The following DECR2 variants were observed in gnomAD, a reference collection of about 807,000 sequenced individuals.
DECR2 encodes peroxisomal 2,4-dienoyl-CoA reductase [(3E)-enoyl-CoA-producing].
In DECR2, 34 loss-of-function variants were observed where a neutral mutation model predicts 29.2. That is an observed-to-expected ratio of 1.16 (90% CI 0.89 to 1.55). The LOEUF (loss-of-function observed/expected upper bound fraction) is 1.55, where lower values mean the gene tolerates loss of function less well. Among genes scored for constraint, DECR2 ranks in the 40% most tolerant of loss-of-function variants. The probability of loss-of-function intolerance (pLI) is 0.00; values close to 1 mark genes in which losing one functional copy is unlikely to be tolerated. For synonymous variants in DECR2, 224 were observed against 182.7 expected (o/e 1.23, Z -1.82); for missense variants, 485 against 425.3 (o/e 1.14, Z -1.23).
chr16:409,957 G>T, intron 4 of DECR2: 1 of 459,516 alleles, frequency 2.2e-6, no homozygotes, highest in Non-Finnish European at 4.0e-6. Context: ...TGTGACTTCA[G>T]TGTAATTCGA....
chr16:407,730 C>G, intron 4 of DECR2, 170 bp downstream of exon 4: 2 of 1,117,420 alleles, frequency 1.8e-6, no homozygotes, highest in Non-Finnish European at 1.2e-6. Context: ...GGCTCCGGCC[C>G]CCTGTCTCCG....
Position 411,527 on chromosome 16 carries a change from A to T in DECR2, c.828A>T (p.Pro276=). 6.2e-7 allele frequency: 1 copy of T among 1,614,032 alleles called. No individual in the cohort carries two copies. Among genetic ancestry groups the T allele is most frequent in the Non-Finnish European group, 8.5e-7 (1 of 1,179,980 alleles). ...ATGGCGGGGCATGGTTGACGTTCCCAAACGGTGTCAAAGGGCTGCCGGATT... is the reference window on the plus strand; with the variant it reads ...ATGGCGGGGCATGGTTGACGTTCCCTAACGGTGTCAAAGGGCTGCCGGATT... ...VADGGAWLTF[P]NGVKGLPDFA... Residue 276 remains proline (P), a synonymous_variant, in exon 8 of 9, where the codon CCA becomes CCT. Transcript: ENST00000219481.
chr16:405,505 G>A, intron 2 of DECR2: 1 of 1,298,800 alleles, frequency 7.7e-7, no homozygotes, highest in Non-Finnish European at 1.0e-6. Flanking sequence ...TGGTGGCTTT[G>A]TGCTCAGGGC....
intron 2 of DECR2, chr16:405,526 C>A (rs2054714133): frequency 7.7e-7 from 1 of 1,303,880 alleles, no homozygotes; most frequent in African/African-American, 1.5e-5. Context: ...ATCTGAGGAC[C>A]AGATGGGACA....
chr16:407,456 G>A lies in DECR2; in HGVS notation c.233G>A (p.Arg78Gln), dbSNP rs1027383653. The A allele has an allele frequency of 6.2e-6, 10 of 1,611,612 alleles. No homozygotes were observed. Among genetic ancestry groups the A allele is most frequent in the East Asian group, 2.2e-5 (1 of 44,876 alleles). The change falls in exon 4 of 9, where the codon CGG (arginine) becomes CAG (glutamine). Residue 78 changes from arginine (R) to glutamine (Q), a missense_variant. Coordinates refer to ENST00000219481, the MANE Select transcript of DECR2 (RefSeq NM_020664.4). ...AGGAAGCTGGCTGGGGCCACCGGCC[G>A]GCGCTGCCTCCCTCTCTCTATGGAC... ...AARKLAGATGRRCLPLSMDVR... is the reference protein window; with the variant it reads ...AARKLAGATGQRCLPLSMDVR...
rs752172006 is a variant in DECR2 at position 410,815 on chromosome 16, C to T, written c.556+31C>T. On this transcript the variant is annotated intron_variant, in intron 6 of 8. Transcript: ENST00000219481. This position sits in a 1 kb window ranked among gnomAD's most constrained non-coding sequence, Gnocchi z 4.1. The stretch of plus-strand genomic sequence containing the variant: ...ACCACCCCCCCCCGCCCAGGTTTGC[C>T]CACGTGGGTCCCCAATGGGCCGTCT... 6.4e-7 allele frequency: 1 copy of T among 1,553,252 alleles called. No homozygotes were observed. The highest frequency in any genetic ancestry group is 8.7e-7 in the Non-Finnish European group (1 of 1,147,718).
chr16:407,437 C>T lies in DECR2; in HGVS notation c.214C>T (p.Leu72=). ...LPRVLTAARK[L]AGATGRRCLP... ...ACCTGGCTTCTAGGCCGCCAGGAAGCTGGCTGGGGCCACCGGCCGGCGCTG... is the reference window on the plus strand; with the variant it reads ...ACCTGGCTTCTAGGCCGCCAGGAAGTTGGCTGGGGCCACCGGCCGGCGCTG... The change falls in exon 4 of 9, where the codon CTG becomes TTG. Residue 72 remains leucine (L), a synonymous_variant. Transcript: ENST00000219481. The T allele has an allele frequency of 6.2e-7, 1 of 1,608,496 alleles. No individual in the cohort carries two copies. Among genetic ancestry groups the T allele is most frequent in the Non-Finnish European group, 8.5e-7 (1 of 1,178,510 alleles).
At position 411,953 on chromosome 16, in the gene DECR2, A is replaced by C. The variant is rs2054824606; in HGVS notation, c.*64A>C. On this transcript the variant is annotated 3_prime_UTR_variant, in exon 9 of 9. Coordinates refer to ENST00000219481, the MANE Select transcript of DECR2 (RefSeq NM_020664.4). ...CAGGTGGAGAGCACCAATCTGAACC[A>C]GCAATGCCTGCAGCCCAGCCCCTCC... 4.2e-6 allele frequency: 1 copy of C among 235,530 alleles called. No individual in the cohort carries two copies. Among genetic ancestry groups the C allele is most frequent in the Non-Finnish European group, 8.2e-6 (1 of 121,580 alleles). 14.6% of individuals were successfully genotyped at this position (235,530 alleles called of 1,614,324 possible).
At position 410,625 on chromosome 16, in the gene DECR2, C is replaced by A. The variant is rs1296269605; in HGVS notation, c.463-66C>A. On this transcript the variant is annotated intron_variant, in intron 5 of 8. Coordinates refer to ENST00000219481, the MANE Select transcript of DECR2 (RefSeq NM_020664.4). The surrounding 1 kb of genome is among the most constrained non-coding windows in gnomAD (Gnocchi z 4.1). ...CCCGGGCCTCCCCCTGACAGCCACC[C>A]GCTCACTGTCCTGTGACCTCCCCCG... is the stretch of plus-strand genomic sequence containing the variant. The A allele has an allele frequency of 6.8e-7, 1 of 1,478,808 alleles. No homozygotes were observed. The highest frequency in any genetic ancestry group is 9.2e-7 in the Non-Finnish European group (1 of 1,082,582). 91.6% of individuals were successfully genotyped at this position (1,478,808 alleles called of 1,614,324 possible).
At chr16:404,268 C>T (rs533064574) in intron 1 of DECR2, among the ~76,000 whole-genome samples, 28 of 151,804 alleles carry the variant, frequency 1.8e-4, no homozygotes, top group African/African-American at 6.3e-4. Context: ...GACCATGTTT[C>T]GCTCTTGTTG....
At chr16:403,466 A>G (rs1567338698) in intron 1 of DECR2, among the ~76,000 whole-genome samples, 1 of 152,190 alleles carries the variant, frequency 6.6e-6, no homozygotes, top group African/African-American at 2.4e-5. Flanking sequence ...TAAAAAAGCC[A>G]TATTATCCCG....
In DECR2 at chr16:401,994, GA is replaced by G. The variant is rs1197274698; in HGVS notation, c.32del (p.Asp11AlafsTer46). 2 of 1,491,108 alleles carry G rather than the reference GA, an allele frequency of 1.3e-6. No homozygotes were observed. Among genetic ancestry groups the G allele is most frequent in the Non-Finnish European group, 1.8e-6 (2 of 1,128,654 alleles). 92.4% of individuals were successfully genotyped at this position (1,491,108 alleles called of 1,614,324 possible). ...CCAGCCGCCGCCCGACGTGGAGGGGGACGACTGTCTCCCCGCGTACCGCCAC... is the reference window on the plus strand; with the variant it reads ...CCAGCCGCCGCCCGACGTGGAGGGGGCGACTGTCTCCCCGCGTACCGCCAC... MAQPPPDVEG[D>X]DCLPAYRHLF... On this transcript the variant is annotated frameshift_variant, in exon 1 of 9. Coordinates refer to ENST00000219481, the MANE Select transcript of DECR2 (RefSeq NM_020664.4). LOFTEE classifies it high-confidence loss of function.
intron 3 of DECR2, 139 bp downstream of exon 3, chr16:406,536 C>A: frequency 1.2e-6 from 1 of 815,216 alleles, no homozygotes; most frequent in South Asian, 1.7e-5. Context: ...CTCGCTCTGT[C>A]ACCCAGGCTG....
intron 3 of DECR2, chr16:406,988 A>C (rs887711591): frequency 9.8e-7 from 1 of 1,017,556 alleles, no homozygotes; most frequent in African/African-American, 1.7e-5. Context: ...TGACTTTTTA[A>C]AAAATCTAGT....
chr16:411,502 A>G lies in DECR2; in HGVS notation c.803A>G (p.Asp268Gly), dbSNP rs761399540. 4 of 1,613,988 alleles carry G rather than the reference A, an allele frequency of 2.5e-6. No individual in the cohort carries two copies. The African/African-American group carries it at 4.0e-5, about 16-fold the overall frequency. ...SYVTGAVLVA[D>G]GGAWLTFPNG... ...GTGACGGGGGCCGTGCTGGTGGCCGATGGCGGGGCATGGTTGACGTTCCCA... is the reference window on the plus strand; with the variant it reads ...GTGACGGGGGCCGTGCTGGTGGCCGGTGGCGGGGCATGGTTGACGTTCCCA... Residue 268 changes from aspartate to glycine, a missense_variant, in exon 8 of 9, where the codon GAT (aspartate) becomes GGT (glycine). Asp to Gly is a moderately conservative substitution (Grantham distance 94). Transcript: ENST00000219481.
chr16:406,503 CTT>C, intron 3 of DECR2, 106 bp downstream of exon 3: 3 of 1,184,580 alleles, frequency 2.5e-6, no homozygotes, highest in Non-Finnish European at 3.6e-6. Flanking sequence ...GGCACCAAAA[CTT>C]TTTTTTTCTG....
At chr16:411,636 A>G in intron 8 of DECR2, 58 bp downstream of exon 8, 1 of 1,555,256 alleles carries the variant, frequency 6.4e-7, no homozygotes, top group Non-Finnish European at 8.7e-7. Context: ...TGGTCACTGC[A>G]TGGGCAGGTC....
chr16:410,598 G>T lies in DECR2; in HGVS notation c.463-93G>T. The T allele has an allele frequency of 7.1e-7, 1 of 1,407,402 alleles. No homozygotes were observed. The highest frequency in any genetic ancestry group is 9.8e-7 in the Non-Finnish European group (1 of 1,019,822). 87.2% of individuals were successfully genotyped at this position (1,407,402 alleles called of 1,614,324 possible). A position where few individuals can be genotyped will look rare whatever the true frequency, so the allele number is the denominator to read the frequency against. ...TCCCCCTGACGGCCGCCCGCTCCCT[G>T]CCCCGGGCCTCCCCCTGACAGCCAC... On this transcript the variant is annotated intron_variant, in intron 5 of 8. Transcript: ENST00000219481. The surrounding 1 kb of genome is among the most constrained non-coding windows in gnomAD (Gnocchi z 4.1).
chr16:403,973 A>G (rs539444804), intron 1 of DECR2, among the ~76,000 whole-genome samples: 4 of 152,136 alleles, frequency 2.6e-5, no homozygotes, highest in African/African-American at 4.8e-5. Context: ...GGAGATCGAG[A>G]CCATCCTGGC....
Sources: gnomAD v4.1 joint callset for allele counts (sites outside exome capture counted in the v4.1 genomes callset) on GRCh38, gnomAD v4.1.1 for gene constraint, Gnocchi (gnomAD v3.1) non-coding constraint, MANE v1.5 for transcripts, NCBI Gene and HGNC (gene_info 2026-07-23, HGNC 2026-07-21) for gene names.